ENTR1: variants seen among roughly 807,000 people sequenced by gnomAD.
The protein encoded by ENTR1 is endosome-associated-trafficking regulator 1.
In ENTR1, 47 loss-of-function variants were observed where a neutral mutation model predicts 47.9. The ratio of observed to expected loss-of-function variants is 0.98; its 90% confidence interval spans 0.78 to 1.25. ENTR1 has a LOEUF of 1.25. Among genes scored for constraint, ENTR1 ranks in the 50% most tolerant of loss-of-function variants. ENTR1 has a pLI of 0.00. For missense variants in ENTR1, 668 were observed against 570.5 expected (o/e 1.17, Z -1.74); for synonymous variants, 290 against 245.8 (o/e 1.18, Z -1.68).
At chr9:136,404,280 G>A (rs41298149) in intron 8 of ENTR1, 86 bp from the exon 9 acceptor site, 37,500 of 1,515,656 alleles carry the variant, frequency 0.025, 523 homozygotes, top group Non-Finnish European at 0.028. Flanking sequence ...GGGCTTACCC[G>A]TGGGGGCCTG....
In ENTR1 at chr9:136,407,366, T is replaced by C. The variant is rs1046631900; in HGVS notation, c.598A>G (p.Arg200Gly). Reference protein sequence around the residue: ...PSAIEQTHPERVPAGTSPCST... With the variant: ...PSAIEQTHPEGVPAGTSPCST... The stretch of plus-strand genomic sequence containing the variant: ...CAGGGCGACGTGCCGGCAGGGACCC[T>C]CTCGGGGTGAGTCTGCTCGATGGCG... The change falls in exon 5 of 10, where the codon AGG becomes GGG. Residue 200 changes from arginine (R) to glycine (G), a missense_variant. Physicochemically the swap from Arg to Gly is moderately radical, Grantham distance 125. Transcript: ENST00000357365. The C allele has an allele frequency of 3.1e-6, 5 of 1,607,362 alleles. No homozygotes were observed. Among genetic ancestry groups the C allele is most frequent in the Non-Finnish European group, 4.2e-6 (5 of 1,178,036 alleles).
chr9:136,404,083 C>A lies in ENTR1; in HGVS notation c.1180G>T (p.Val394Phe). The change falls in exon 9 of 10, where the codon GTC (valine) becomes TTC (phenylalanine). Residue 394 changes from valine to phenylalanine, a missense_variant. Val to Phe is a conservative substitution (Grantham distance 50). Transcript: ENST00000357365. Reference sequence around the variant, plus strand: ...ATGGAAGCCTGTGCACTGTTCATGACCACCCGGAGGTTCTGCAGGGCCACG... The same window carrying A: ...ATGGAAGCCTGTGCACTGTTCATGAACACCCGGAGGTTCTGCAGGGCCACG... ...ADVALQNLRVVMNSAQASIKQ... is the reference protein window; with the variant it reads ...ADVALQNLRVFMNSAQASIKQ... 6.2e-7 allele frequency: 1 copy of A among 1,612,902 alleles called. No individual in the cohort carries two copies. The highest frequency in any genetic ancestry group is 8.5e-7 in the Non-Finnish European group (1 of 1,179,680).
chr9:136,409,106 G>A (rs1343560857), intron 2 of ENTR1, 39 bp from the exon 3 acceptor site: 2 of 1,585,662 alleles, frequency 1.3e-6, no homozygotes, highest in African/African-American at 2.7e-5. Flanking sequence ...CTGGCAGGAA[G>A]TCTTTATGAC....
chr9:136,407,472 G>A lies in ENTR1; in HGVS notation c.492C>T (p.Phe164=), dbSNP rs533889709. The A allele has an allele frequency of 1.9e-5, 31 of 1,609,456 alleles. No individual in the cohort carries two copies. The highest frequency in any genetic ancestry group is 6.7e-5 in the Admixed American group (4 of 59,708). The change falls in exon 5 of 10, where the codon TTC becomes TTT. Residue 164 remains phenylalanine, a synonymous_variant. Coordinates refer to ENST00000357365, the MANE Select transcript of ENTR1 (RefSeq NM_001039707.2). ...GYGLEYQQPF[F]EDPTGAGDLL... Reference sequence around the variant, plus strand: ...GGTCACCAGCCCCTGTCGGATCCTCGAAAAATGGCTGCTGATACTCCAGGC... The same window carrying A: ...GGTCACCAGCCCCTGTCGGATCCTCAAAAAATGGCTGCTGATACTCCAGGC...
Position 136,410,073 on chromosome 9 carries a change from G to A in ENTR1, c.220+17C>T, listed in dbSNP as rs767192492. 4 of 1,612,352 alleles carry A rather than the reference G, an allele frequency of 2.5e-6. No individual in the cohort carries two copies. The highest frequency in any genetic ancestry group is 2.7e-5 in the African/African-American group (2 of 74,868). On this transcript the variant is annotated intron_variant, in intron 2 of 9. Coordinates refer to ENST00000357365, the MANE Select transcript of ENTR1 (RefSeq NM_001039707.2). ...GGAACTGGAAGCGTCCCCGGGGCCG[G>A]CGCCCTCGTCTCTCACCTGTGTCTC... is the stretch of plus-strand genomic sequence containing the variant.
intron 2 of ENTR1, among the ~76,000 whole-genome samples, chr9:136,409,295 C>T (rs1359336331): frequency 6.6e-6 from 1 of 152,064 alleles, no homozygotes; most frequent in Non-Finnish European, 1.5e-5. Flanking sequence ...ATTCTCCTGC[C>T]TCATCCTCCC....
intron 6 of ENTR1, 23 bp from the exon 7 acceptor site, chr9:136,405,225 T>C (rs972148821): frequency 6.4e-7 from 1 of 1,567,044 alleles, no homozygotes; most frequent in Admixed American, 1.7e-5. Context: ...AAACCCGAGT[T>C]GTTAATTTCT....
intron 2 of ENTR1, 54 bp downstream of exon 2, chr9:136,410,036 A>G: frequency 1.2e-6 from 2 of 1,600,448 alleles, no homozygotes; most frequent in Non-Finnish European, 1.7e-6. Context: ...CGGAGGTGCC[A>G]CACGTGGCGC....
intron 2 of ENTR1, 135 bp from the exon 3 acceptor site, chr9:136,409,202 A>G (rs889886047): frequency 4.7e-6 from 3 of 640,038 alleles, no homozygotes; most frequent in African/African-American, 3.8e-5. Context: ...TTTTTTTGAG[A>G]CGGAGTCTTG....
intron 2 of ENTR1, 151 bp downstream of exon 2, chr9:136,409,939 A>G (rs1306048495): frequency 1.1e-6 from 1 of 925,762 alleles, no homozygotes. Flanking sequence ...AGCTCCTAGC[A>G]GGGGACTCCG....
At position 136,402,280 on chromosome 9, in the gene ENTR1, C is replaced by T. The variant is rs1046377538; in HGVS notation, c.*508G>A. 1.9e-5 allele frequency: 3 copies of T among 155,452 alleles called. No individual in the cohort carries two copies. Among genetic ancestry groups the T allele is most frequent in the African/African-American group, 7.2e-5 (3 of 41,476 alleles). 9.6% of individuals were successfully genotyped at this position (155,452 alleles called of 1,614,324 possible). ...TGGCCCCTGCGCACTCAGGCCATGA[C>T]TGCAGGGACCACCCACTGGGGCCAC... is the stretch of plus-strand genomic sequence containing the variant. On this transcript the variant is annotated 3_prime_UTR_variant, in exon 10 of 10. Transcript: ENST00000357365.
At chr9:136,406,611 G>A (rs1460994763) in intron 5 of ENTR1, among the ~76,000 whole-genome samples, 1 of 151,896 alleles carries the variant, frequency 6.6e-6, no homozygotes, top group Non-Finnish European at 1.5e-5. Context: ...CAAGTAGCTG[G>A]GACTACAGGC....
intron 8 of ENTR1, 124 bp from the exon 9 acceptor site, chr9:136,404,318 C>A: frequency 7.5e-7 from 1 of 1,338,402 alleles, no homozygotes; most frequent in Non-Finnish European, 1.0e-6. Context: ...TCTGGCCTAA[C>A]TGGGGGCTCG....
rs1391335717 is a variant in ENTR1, at chr9:136,404,072, ACT to A, written c.1189_1190del (p.Ser397CysfsTer13). 1 of 1,611,072 alleles carries A rather than the reference ACT, an allele frequency of 6.2e-7. No individual in the cohort carries two copies. The highest frequency in any genetic ancestry group is 1.7e-5 in the Admixed American group (1 of 59,738). On this transcript the variant is annotated frameshift_variant, in exon 9 of 10. Coordinates refer to ENST00000357365, the MANE Select transcript of ENTR1 (RefSeq NM_001039707.2). LOFTEE classifies it high-confidence loss of function. ...ALQNLRVVMNSAQASIKQLVS... is the reference protein window; with the variant it reads ...ALQNLRVVMNXAQASIKQLVS... ...GCACTCACTTGATGGAAGCCTGTGC[ACT>A]GTTCATGACCACCCGGAGGTTCTGC...
intron 3 of ENTR1, among the ~76,000 whole-genome samples, chr9:136,408,402 C>G (rs1296227471): frequency 6.6e-6 from 1 of 151,934 alleles, no homozygotes; most frequent in Non-Finnish European, 1.5e-5. Context: ...CACGGTGAAA[C>G]CTCATCTCTA....
At chr9:136,407,749 G>A (rs1464837547) in intron 4 of ENTR1, 77 bp downstream of exon 4, 8 of 1,388,720 alleles carry the variant, frequency 5.8e-6, no homozygotes, top group East Asian at 2.3e-5. Flanking sequence ...ACTCATGCAC[G>A]ATTCCTCCAA....
chr9:136,407,563 TAAAAAAA>T lies in ENTR1; in HGVS notation c.403-9_403-3del. ...TCCCAGGGAATGCCTCGAGGCTTCC[TAAAAAAA>T]AAAAAAAAAAAAAAACAATGGAGGC... On this transcript the variant is annotated splice_polypyrimidine_tract_variant and splice_region_variant and intron_variant, in intron 4 of 9. Coordinates refer to ENST00000357365, the MANE Select transcript of ENTR1 (RefSeq NM_001039707.2). 9.1e-6 allele frequency: 12 copies of T among 1,319,340 alleles called. No individual in the cohort carries two copies. Among genetic ancestry groups the T allele is most frequent in the Admixed American group, 3.4e-5 (1 of 29,796 alleles). 81.7% of individuals were successfully genotyped at this position (1,319,340 alleles called of 1,614,324 possible).
rs1451144907 is a variant in ENTR1, at chr9:136,410,118, G to A, written c.192C>T (p.Ser64=). ...TGTCTCCCACGGAAGCCAGCACCGG[G>A]CTGGGCACATAGCACATAAAGGCCG... ...IRPAFMCYVP[S]PVLASVGDTD... Residue 64 remains serine (S), a synonymous_variant, in exon 2 of 10, where the codon AGC becomes AGT. Coordinates refer to ENST00000357365, the MANE Select transcript of ENTR1 (RefSeq NM_001039707.2). The A allele has an allele frequency of 1.2e-6, 2 of 1,612,828 alleles. No homozygotes were observed. The highest frequency in any genetic ancestry group is 1.6e-4 in the Middle Eastern group (1 of 6,062).
At position 136,407,615 on chromosome 9, in the gene ENTR1, G is replaced by A. The variant is rs147125900; in HGVS notation, c.403-54C>T. On this transcript the variant is annotated intron_variant, in intron 4 of 9. Transcript: ENST00000357365. ...GGAGGCCATGCTTCTGACTCGGAGC[G>A]CATCTTCCTTTCTGTGTTCTGCCTC... The A allele has an allele frequency of 2.3e-5, 35 of 1,494,056 alleles. No individual in the cohort carries two copies. The South Asian group carries it at 3.0e-4, about 13-fold the overall frequency. The allele number at this position is 1,494,056 out of a possible 1,614,324, so 92.5% of individuals were successfully genotyped here. A position where few individuals can be genotyped will look rare whatever the true frequency, so the allele number is the denominator to read the frequency against.
Sources: gnomAD v4.1 joint callset for allele counts (sites outside exome capture counted in the v4.1 genomes callset) on GRCh38, gnomAD v4.1.1 for gene constraint, MANE v1.5 for transcripts, NCBI Gene and HGNC (gene_info 2026-07-23, HGNC 2026-07-21) for gene names.